The following NAV3 variants were observed in gnomAD, a reference collection of about 807,000 sequenced individuals.
NAV3 encodes the protein neuron navigator 3.
In NAV3, 87 loss-of-function variants were observed where a neutral mutation model predicts 244.7. The ratio of observed to expected loss-of-function variants is 0.36; its 90% CI spans 0.30 to 0.42. The LOEUF is 0.42. NAV3 is among the 20% of genes least tolerant of loss of function. The pLI is 1.00. For synonymous variants in NAV3, 1,126 were observed against 1,042.2 expected, an observed-to-expected ratio of 1.08 and a Z score of -1.55; for missense variants, 2,663 against 2,893.3, an observed-to-expected ratio of 0.92 and a Z score of 1.83.
chr12:78,112,308 G>A (rs751424232), intron 12 of NAV3, among the ~76,000 whole-genome samples: 56 of 152,318 alleles, frequency 3.7e-4, no homozygotes, highest in African/African-American at 4.6e-4. Context: ...ATAGGTGTTC[G>A]TAAGAGAGTC....
chr12:78,089,306 ATAAAG>A (rs1173710313), intron 12 of NAV3, among the ~76,000 whole-genome samples: 5 of 152,194 alleles, frequency 3.3e-5, no homozygotes, highest in Non-Finnish European at 7.4e-5. Flanking sequence ...ATGATAAACC[ATAAAG>A]TAATGTTAGA....
intron 23 of NAV3, among the ~76,000 whole-genome samples, chr12:78,164,565 G>A (rs188769394): frequency 2.0e-5 from 3 of 152,076 alleles, no homozygotes; most frequent in African/African-American, 7.2e-5. Flanking sequence ...GGAGTCAGAT[G>A]ATGCATCCAT....
intron 1 of NAV3, among the ~76,000 whole-genome samples, chr12:77,935,914 G>A (rs539252845): frequency 6.6e-6 from 1 of 152,300 alleles, no homozygotes; most frequent in South Asian, 2.1e-4. Flanking sequence ...TATCAGAACA[G>A]CAAGGGAAGA....
At chr12:77,663,175 A>T (rs1005937768) in intron 2 of NAV3, among the ~76,000 whole-genome samples, 2 of 152,180 alleles carry the variant, frequency 1.3e-5, no homozygotes, top group Non-Finnish European at 2.9e-5. Flanking sequence ...CTAGGAGAAT[A>T]TTTTTTCTTA....
chr12:77,597,445 G>A (rs1396358913), intron 2 of NAV3, among the ~76,000 whole-genome samples: 1 of 151,994 alleles, frequency 6.6e-6, no homozygotes, highest in South Asian at 2.1e-4. Flanking sequence ...CATAGACGAG[G>A]CTTAGTAATT....
intron 3 of NAV3, among the ~76,000 whole-genome samples, chr12:77,943,986 A>G (rs1243093587): frequency 6.6e-6 from 1 of 152,228 alleles, no homozygotes; most frequent in Non-Finnish European, 1.5e-5. Context: ...ACATGTAATC[A>G]ATATTTACTA....
In NAV3 at chr12:77,889,922, A is replaced by G. The variant is rs115841761; in HGVS notation, c.244-50397A>G. 1.8e-3 allele frequency among the ~76,000 whole-genome samples: 275 copies of G among 152,334 alleles called. 1 individual carries two copies. The highest frequency in any genetic ancestry group is 6.4e-3 in the African/African-American group (267 of 41,588). Reference sequence around the variant, plus strand: ...ATAAGTTTGAACTCTGTATAAGTACATACAGTAGTTATCATTCTTGGCCTA... The same window carrying G: ...ATAAGTTTGAACTCTGTATAAGTACGTACAGTAGTTATCATTCTTGGCCTA... On this transcript the variant is annotated intron_variant, in intron 1 of 39. Transcript: ENST00000397909.
At position 78,007,186 on chromosome 12, in the gene NAV3, G is replaced by A. The variant is rs1181549314; in HGVS notation, c.1648G>A (p.Glu550Lys). Residue 550 changes from glutamate to lysine, a missense_variant, in exon 8 of 40, where the codon GAG (glutamate) becomes AAG (lysine). Glu to Lys is a moderately conservative substitution (Grantham distance 56). This residue lies in a region of NAV3 where 1,521 missense variants were observed against 1,497.0 expected (regional missense o/e 1.02). Transcript: ENST00000397909. Reference sequence around the variant, plus strand: ...TTCACCTGGCAGCACAGCAAGCAAAGAGTCTGAGAAATTCAGGACTACCAA... The same window carrying A: ...TTCACCTGGCAGCACAGCAAGCAAAAAGTCTGAGAAATTCAGGACTACCAA... Reference protein sequence around the residue: ...TISPGSTASKESEKFRTTKGS... With the variant: ...TISPGSTASKKSEKFRTTKGS... The A allele has an allele frequency of 8.1e-6, 13 of 1,614,044 alleles. No individual in the cohort carries two copies. The highest frequency in any genetic ancestry group is 1.1e-5 in the Non-Finnish European group (13 of 1,180,040).
chr12:77,976,432 A>G (rs1435754584), intron 5 of NAV3, among the ~76,000 whole-genome samples: 3 of 152,098 alleles, frequency 2.0e-5, no homozygotes, highest in Non-Finnish European at 4.4e-5. Flanking sequence ...GGAGATGGCA[A>G]GACCTGATAG....
At chr12:78,103,628 T>C (rs1954650767) in intron 12 of NAV3, among the ~76,000 whole-genome samples, 1 of 152,212 alleles carries the variant, frequency 6.6e-6, no homozygotes, top group Admixed American at 6.5e-5. Context: ...AAAGGTTTAA[T>C]TGGACTTACA....
chr12:77,936,564 T>TA (rs1172591168), intron 1 of NAV3, among the ~76,000 whole-genome samples: 4 of 152,214 alleles, frequency 2.6e-5, no homozygotes, highest in South Asian at 4.1e-4. Context: ...ATTTCTTCAC[T>TA]AAAAAAACTA....
chr12:78,057,210 T>G (rs1282600698), intron 11 of NAV3, among the ~76,000 whole-genome samples: 1 of 152,204 alleles, frequency 6.6e-6, no homozygotes, highest in Non-Finnish European at 1.5e-5. Flanking sequence ...GAAATTGAAG[T>G]TATCTTCAGG....
intron 2 of NAV3, among the ~76,000 whole-genome samples, chr12:77,695,820 T>TA (rs201961089): frequency 0.016 from 2,387 of 152,150 alleles, 27 homozygotes; most frequent in Middle Eastern, 0.065. Flanking sequence ...GGAGAACTTT[T>TA]AAAAAATCCT....
At chr12:78,007,805 C>T (rs1023890585) in intron 8 of NAV3, among the ~76,000 whole-genome samples, 1 of 152,180 alleles carries the variant, frequency 6.6e-6, no homozygotes, top group Admixed American at 6.5e-5. Flanking sequence ...AAATAATTCT[C>T]ACTTTTACAT....
At chr12:77,722,392 G>T (rs1876679127) in intron 2 of NAV3, among the ~76,000 whole-genome samples, 1 of 151,970 alleles carries the variant, frequency 6.6e-6, no homozygotes, top group Admixed American at 6.6e-5. Flanking sequence ...TAAAGCAACA[G>T]GTACTATAAA....
At chr12:77,844,006 C>T (rs1384558236) in intron 1 of NAV3, among the ~76,000 whole-genome samples, 1 of 152,128 alleles carries the variant, frequency 6.6e-6, no homozygotes, top group Non-Finnish European at 1.5e-5. Context: ...GGCTAGGGGT[C>T]GTCCACACAT....
intron 2 of NAV3, among the ~76,000 whole-genome samples, chr12:77,747,049 TTTC>T (rs1868582512): frequency 6.6e-6 from 1 of 152,202 alleles, no homozygotes; most frequent in Non-Finnish European, 1.5e-5. Context: ...ATGGACTCTT[TTTC>T]TTCTTAACTT....
At chr12:78,194,328 T>G (rs1959107789) in intron 34 of NAV3, among the ~76,000 whole-genome samples, 1 of 152,100 alleles carries the variant, frequency 6.6e-6, no homozygotes, top group Non-Finnish European at 1.5e-5. Flanking sequence ...TTTCTTGGAT[T>G]TCTACAATTA....
intron 2 of NAV3, among the ~76,000 whole-genome samples, chr12:77,763,712 C>G (rs1202265448): frequency 6.6e-6 from 1 of 152,212 alleles, no homozygotes; most frequent in Non-Finnish European, 1.5e-5. Context: ...CCAGGATGCT[C>G]TCTTGGAACT....
Sources: gnomAD v4.1 joint callset for allele counts (sites outside exome capture counted in the v4.1 genomes callset) on GRCh38, gnomAD v4.1.1 for gene constraint, gnomAD v4.1.1 regional missense constraint, MANE v1.5 for transcripts, NCBI Gene and HGNC (gene_info 2026-07-23, HGNC 2026-07-21) for gene names.